Variants in MYH15 observed in about 807,000 individuals in gnomAD.
The protein encoded by MYH15 is myosin heavy chain 15, also known as myosin-15.
Under a neutral mutation model 240.5 loss-of-function variants are expected in MYH15, and 227 were observed. That is an observed-to-expected ratio of 0.94 (90% CI 0.85 to 1.05). The LOEUF (loss-of-function observed/expected upper bound fraction) is 1.05. Ranked by LOEUF, MYH15 falls within the 50% of genes least tolerant of loss-of-function variation. The probability of loss-of-function intolerance (pLI) is 0.00; values close to 1 mark genes in which losing one functional copy is unlikely to be tolerated. For missense variants in MYH15, 2,217 were observed against 2,247.5 expected (o/e 0.99, Z 0.27); for synonymous variants, 785 against 796.7 (o/e 0.99, Z 0.25).
chr3:108,549,573 G>C, the MYH15 span, among the ~76,000 whole-genome samples: 1 of 151,998 alleles, frequency 6.6e-6, no homozygotes, highest in Non-Finnish European at 1.5e-5. Flanking sequence ...ACACATACTT[G>C]TGAGAATGGG....
intron 28 of MYH15, among the ~76,000 whole-genome samples, chr3:108,418,004 C>G (rs974608142): frequency 2.6e-5 from 4 of 152,140 alleles, no homozygotes; most frequent in African/African-American, 9.7e-5. Context: ...TACATGTTTT[C>G]TAAAATATAA....
chr3:108,470,281 A>G (rs2107586837), intron 13 of MYH15, 69 bp from the exon 14 acceptor site: 1 of 1,164,628 alleles, frequency 8.6e-7, no homozygotes, highest in African/African-American at 1.6e-5. Flanking sequence ...AAGAATGTCC[A>G]GTAAAGAAAA....
At position 108,460,387 on chromosome 3, in the gene MYH15, A is replaced by G; in HGVS notation, c.1865-20T>C. 2 of 1,548,040 alleles carry G rather than the reference A, an allele frequency of 1.3e-6. No homozygotes were observed. The highest frequency in any genetic ancestry group is 8.7e-7 in the Non-Finnish European group (1 of 1,146,156). ...GTATAGCTAGCAAAAAAAAAAAAAG[A>G]AAAAGATGAAAACATGTAAAAAGCT... On this transcript the variant is annotated intron_variant, in intron 16 of 40. Coordinates refer to ENST00000693548, the MANE Select transcript of MYH15 (RefSeq NM_014981.3).
At chr3:108,523,821 C>T (rs1370613468) in intron 1 of MYH15, among the ~76,000 whole-genome samples, 1 of 151,854 alleles carries the variant, frequency 6.6e-6, no homozygotes, top group Non-Finnish European at 1.5e-5. Flanking sequence ...TATATACAGG[C>T]CTCTATGTCC....
chr3:108,425,705 T>G (rs2082720034), intron 27 of MYH15, among the ~76,000 whole-genome samples: 1 of 152,142 alleles, frequency 6.6e-6, no homozygotes, highest in Non-Finnish European at 1.5e-5. Context: ...AAGGAGGTAG[T>G]GAGATACACA....
At chr3:108,501,638 G>T in intron 3 of MYH15, 74 bp downstream of exon 3, 1 of 1,577,738 alleles carries the variant, frequency 6.3e-7, no homozygotes, top group East Asian at 2.3e-5. Context: ...CAATGTAAGA[G>T]ATCACCCAGG....
chr3:108,416,577 T>C (rs560207494), intron 29 of MYH15, among the ~76,000 whole-genome samples: 72 of 152,292 alleles, frequency 4.7e-4, no homozygotes, highest in African/African-American at 1.6e-3. Context: ...CAAGTACTTA[T>C]ACAAGATGGG....
rs370434514 is a variant in MYH15, at chr3:108,414,417, G to A, written c.3960C>T (p.Ala1320=). 3.1e-6 allele frequency: 5 copies of A among 1,613,760 alleles called. No individual in the cohort carries two copies. The African/African-American group carries it at 6.7e-5, about 22-fold the overall frequency. Reference sequence around the variant, plus strand: ...GAGCCTTCTGCAGGGCATGGGCCAGGGCACTCTGGGACTGTAGGGGACACA... The same window carrying A: ...GAGCCTTCTGCAGGGCATGGGCCAGAGCACTCTGGGACTGTAGGGGACACA... ...QLEKETKSQS[A]LAHALQKAQR... The change falls in exon 30 of 41, where the codon GCC becomes GCT. Residue 1320 remains alanine, a synonymous_variant. Transcript: ENST00000693548.
At position 108,506,908 on chromosome 3, in the gene MYH15, G is replaced by T. The variant is rs563210503; in HGVS notation, c.89-1079C>A. ...TAGCTGGGCATGGTGGCGTGTGCCTGTAATCCCAGCTACTCAGGAGGCTGA... is the reference window on the plus strand; with the variant it reads ...TAGCTGGGCATGGTGGCGTGTGCCTTTAATCCCAGCTACTCAGGAGGCTGA... On this transcript the variant is annotated intron_variant, in intron 1 of 40. Coordinates refer to ENST00000693548, the MANE Select transcript of MYH15 (RefSeq NM_014981.3). Among the ~76,000 whole-genome samples, 542 of 152,242 alleles carry T rather than the reference G, an allele frequency of 3.6e-3. 2 individuals carry two copies. Among genetic ancestry groups the T allele is most frequent in the Non-Finnish European group, 4.0e-3 (269 of 68,014 alleles).
At chr3:108,452,625 A>G (rs1368222064) in intron 21 of MYH15, among the ~76,000 whole-genome samples, 5 of 152,228 alleles carry the variant, frequency 3.3e-5, no homozygotes, top group African/African-American at 1.2e-4. Flanking sequence ...AAATCATGTC[A>G]CATTTTAAGG....
chr3:108,526,090 GGAC>G (rs1408750354), intron 1 of MYH15, among the ~76,000 whole-genome samples: 1 of 152,046 alleles, frequency 6.6e-6, no homozygotes, highest in African/African-American at 2.4e-5. Context: ...TCATTCAGAA[GGAC>G]GACTTCTTCC....
At position 108,383,737 on chromosome 3, in the gene MYH15, A is replaced by AACC; in HGVS notation, c.5632-9_5632-8insGGT. The AACC allele has an allele frequency of 7.0e-7, 1 of 1,420,948 alleles. No homozygotes were observed. The highest frequency in any genetic ancestry group is 9.3e-7 in the Non-Finnish European group (1 of 1,075,034). The allele number at this position is 1,420,948 out of a possible 1,614,324, so 88.0% of individuals were successfully genotyped here. ...TTGATTGGCTTGTGTTTCCTATAAA[A>AACC]ATAAAAAAAAAAAAAAAGAAATCTC... is the stretch of plus-strand genomic sequence containing the variant. On this transcript the variant is annotated splice_polypyrimidine_tract_variant and intron_variant, in intron 39 of 40. Transcript: ENST00000693548.
chr3:108,447,663 C>T (rs982887497), intron 21 of MYH15, among the ~76,000 whole-genome samples: 3 of 151,918 alleles, frequency 2.0e-5, no homozygotes, highest in Non-Finnish European at 4.4e-5. Flanking sequence ...TAACAGACTG[C>T]CACACAAATA....
the MYH15 span, among the ~76,000 whole-genome samples, chr3:108,543,071 A>G: frequency 1.3e-5 from 2 of 151,834 alleles, no homozygotes; most frequent in South Asian, 4.2e-4. Context: ...AGTAGAGATG[A>G]GGTTTCACCA....
chr3:108,456,126 AAG>A, intron 19 of MYH15, among the ~76,000 whole-genome samples: 1 of 147,220 alleles, frequency 6.8e-6, no homozygotes, highest in South Asian at 2.1e-4. Flanking sequence ...TGGAAGAGGA[AAG>A]AGAGGGAGGG....
chr3:108,533,193 G>C (rs13071569), upstream of MYH15, among the ~76,000 whole-genome samples: 1 of 138,046 alleles, frequency 7.2e-6, no homozygotes, highest in African/African-American at 2.7e-5. Flanking sequence ...TTGCTCTGAA[G>C]AGCAACCTGT....
At position 108,486,518 on chromosome 3, in the gene MYH15, G is replaced by A. The variant is rs2083307516; in HGVS notation, c.880C>T (p.Leu294=). Residue 294 remains leucine (L), a synonymous_variant, in exon 10 of 41, where the codon CTG becomes TTG. Coordinates refer to ENST00000693548, the MANE Select transcript of MYH15 (RefSeq NM_014981.3). ...SGQKELHDLL[L]VSANPSDFHF... ...AAGTCTGAGGGATTTGCAGATACCA[G>A]GAGCAGGTCTAGAGTGGGAAAACGA... is the stretch of plus-strand genomic sequence containing the variant. 6.2e-7 allele frequency: 1 copy of A among 1,609,580 alleles called. No individual in the cohort carries two copies. Among genetic ancestry groups the A allele is most frequent in the Non-Finnish European group, 8.5e-7 (1 of 1,176,660 alleles).
chr3:108,392,068 C>T, intron 36 of MYH15, 138 bp from the exon 37 acceptor site: 2 of 923,040 alleles, frequency 2.2e-6, no homozygotes, highest in East Asian at 4.9e-5. Context: ...ATTATAATCT[C>T]CCTAACCACT....
intron 1 of MYH15, among the ~76,000 whole-genome samples, chr3:108,509,335 T>C (rs2083503363): frequency 6.6e-6 from 1 of 151,782 alleles, no homozygotes; most frequent in African/African-American, 2.4e-5. Flanking sequence ...TTAGGCTCAA[T>C]TTTTTTTTCT....
Sources: gnomAD v4.1 joint callset for allele counts (sites outside exome capture counted in the v4.1 genomes callset) on GRCh38, gnomAD v4.1.1 for gene constraint, MANE v1.5 for transcripts, NCBI Gene and HGNC (gene_info 2026-07-23, HGNC 2026-07-21) for gene names.